PAX7: variants seen among roughly 807,000 people sequenced by gnomAD.
PAX7 encodes the protein paired box 7.
PAX7 carries 18 observed loss-of-function variants against 50.7 expected under a neutral mutation model. The ratio of observed to expected loss-of-function variants is 0.36; its 90% CI spans 0.25 to 0.53. The LOEUF is 0.53. PAX7 is among the 20% of genes least tolerant of loss of function. The probability of loss-of-function intolerance (pLI) is 0.93; values close to 1 mark genes in which losing one functional copy is unlikely to be tolerated. For missense variants in PAX7, 644 were observed against 702.9 expected (o/e 0.92, Z 0.95); for synonymous variants, 310 against 290.4 (o/e 1.07, Z -0.69).
At chr1:18,642,266 C>T (rs1207050948) in intron 4 of PAX7, among the ~76,000 whole-genome samples, 1 of 152,078 alleles carries the variant, frequency 6.6e-6, no homozygotes, top group African/African-American at 2.4e-5. Context: ...GTTGATGAGG[C>T]TTCATTCTGT....
intron 4 of PAX7, among the ~76,000 whole-genome samples, chr1:18,643,308 G>C (rs1448742019): frequency 1.3e-5 from 2 of 152,180 alleles, no homozygotes; most frequent in Non-Finnish European, 2.9e-5. Context: ...TCCATGGCTT[G>C]GTCGCCCTGG....
intron 6 of PAX7, among the ~76,000 whole-genome samples, chr1:18,702,875 G>A (rs182639747): frequency 2.0e-5 from 3 of 152,208 alleles, no homozygotes; most frequent in Non-Finnish European, 4.4e-5. Flanking sequence ...CTGTCTAGGG[G>A]TTGTCTAGAA....
chr1:18,722,558 G>T (rs577401707), intron 7 of PAX7, among the ~76,000 whole-genome samples: 2 of 152,160 alleles, frequency 1.3e-5, no homozygotes, highest in Non-Finnish European at 2.9e-5. Flanking sequence ...TGTGGGACGC[G>T]GGGGGCTGCT....
chr1:18,642,724 G>A (rs2088274699), intron 4 of PAX7, among the ~76,000 whole-genome samples: 1 of 152,044 alleles, frequency 6.6e-6, no homozygotes, highest in South Asian at 2.1e-4. Flanking sequence ...ATTGGCCCCG[G>A]CTGGGGTGGA....
intron 5 of PAX7, among the ~76,000 whole-genome samples, chr1:18,693,693 G>T (rs1325612099): frequency 6.6e-6 from 1 of 152,158 alleles, no homozygotes; most frequent in Non-Finnish European, 1.5e-5. Context: ...CTCCCCTCCT[G>T]ACCGAGGTGA....
intron 5 of PAX7, among the ~76,000 whole-genome samples, chr1:18,692,269 T>A (rs913688668): frequency 1.3e-5 from 2 of 151,864 alleles, no homozygotes; most frequent in Non-Finnish European, 2.9e-5. Context: ...AGGCCAGGTG[T>A]GGTGGCTCAC....
chr1:18,651,269 A>G (rs536322819), intron 4 of PAX7, among the ~76,000 whole-genome samples: 51 of 152,364 alleles, frequency 3.3e-4, no homozygotes, highest in African/African-American at 1.2e-3. Context: ...CTAAAAGTCT[A>G]TATGCTGAGA....
intron 7 of PAX7, among the ~76,000 whole-genome samples, chr1:18,720,909 C>T (rs582451): frequency 2.6e-5 from 4 of 151,868 alleles, no homozygotes; most frequent in Non-Finnish European, 5.9e-5. Context: ...GCTGGAGGGA[C>T]GAAGGTGCAG....
chr1:18,708,317 A>G (rs1468919100), intron 7 of PAX7, among the ~76,000 whole-genome samples: 2 of 152,056 alleles, frequency 1.3e-5, no homozygotes, highest in African/African-American at 4.8e-5. Context: ...GCACTTTGGG[A>G]GGCCGAGGTG....
At chr1:18,739,663 T>C (rs1311470713) in intron 8 of PAX7, among the ~76,000 whole-genome samples, 1 of 152,186 alleles carries the variant, frequency 6.6e-6, no homozygotes, top group Non-Finnish European at 1.5e-5. Flanking sequence ...CAGGTGTGCA[T>C]GGAACAAGCC....
At chr1:18,670,425 A>C (rs1357028723) in intron 4 of PAX7, among the ~76,000 whole-genome samples, 1 of 152,140 alleles carries the variant, frequency 6.6e-6, no homozygotes, top group African/African-American at 2.4e-5. Context: ...TGCCAAAGAC[A>C]TTCAGTTCCC....
intron 4 of PAX7, among the ~76,000 whole-genome samples, chr1:18,642,078 G>A (rs2088264924): frequency 6.7e-6 from 1 of 148,586 alleles, no homozygotes; most frequent in Non-Finnish European, 1.5e-5. Flanking sequence ...GATTATTTGG[G>A]CTTTTTTTTT....
At chr1:18,722,557 C>T (rs192116293) in intron 7 of PAX7, among the ~76,000 whole-genome samples, 4 of 152,272 alleles carry the variant, frequency 2.6e-5, no homozygotes, top group East Asian at 3.9e-4. Flanking sequence ...GTGTGGGACG[C>T]GGGGGGCTGC....
At position 18,668,027 on chromosome 1, in the gene PAX7, C is replaced by G. The variant is rs993687676; in HGVS notation, c.587-23727C>G. 4.1e-4 allele frequency among the ~76,000 whole-genome samples: 63 copies of G among 152,282 alleles called. 1 individual carries two copies. The Middle Eastern group carries it at 0.01, about 25-fold the overall frequency. On this transcript the variant is annotated intron_variant, in intron 4 of 8. Coordinates refer to ENST00000420770, the MANE Select transcript of PAX7 (RefSeq NM_001135254.2). ...ATATGGGAAACTTCCGGGCAAAACC[C>G]AGGAGCCCAGGAGCAGGGGTTCTCA...
chr1:18,683,840 A>AAAT lies in PAX7; in HGVS notation c.587-7897_587-7895dup, dbSNP rs112435145. Among the ~76,000 whole-genome samples the AAAT allele has an allele frequency of 3.9e-5, 6 of 152,120 alleles. No individual in the cohort carries two copies. In the East Asian group the frequency reaches 5.8e-4, roughly 15 times the overall value. On this transcript the variant is annotated intron_variant, in intron 4 of 8. Transcript: ENST00000420770. ...GGGCAACACAGGGAGACTGTCTCAA[A>AAAT]AATAATAATAATAATAATACCCATC...
chr1:18,715,006 C>A (rs553727421), intron 7 of PAX7, among the ~76,000 whole-genome samples: 106 of 152,354 alleles, frequency 7.0e-4, no homozygotes, highest in African/African-American at 2.4e-3. Flanking sequence ...GGGTCCCCTG[C>A]AGGAGGAAGG....
intron 4 of PAX7, among the ~76,000 whole-genome samples, chr1:18,637,517 G>A (rs1489120977): frequency 6.6e-6 from 1 of 152,182 alleles, no homozygotes; most frequent in Non-Finnish European, 1.5e-5. Context: ...CTGAAAGCTT[G>A]CAAAAAGCCA....
At chr1:18,719,362 CT>C (rs1248681201) in intron 7 of PAX7, among the ~76,000 whole-genome samples, 1 of 152,226 alleles carries the variant, frequency 6.6e-6, no homozygotes, top group Non-Finnish European at 1.5e-5. Context: ...AGATCCGCCC[CT>C]GCCCTGTTCC....
At chr1:18,678,817 A>C (rs1382579036) in intron 4 of PAX7, among the ~76,000 whole-genome samples, 1 of 152,018 alleles carries the variant, frequency 6.6e-6, no homozygotes, top group Non-Finnish European at 1.5e-5. Flanking sequence ...GTCGGTATGG[A>C]GGCTGGAAGT....
Sources: allele counts gnomAD v4.1 joint callset (sites outside exome capture counted in the v4.1 genomes callset), GRCh38; gene constraint gnomAD v4.1.1; transcripts MANE v1.5; gene names NCBI Gene and HGNC (gene_info 2026-07-23, HGNC 2026-07-21).